The following DOCK8 variants were observed in gnomAD, a reference collection of about 807,000 sequenced individuals.
DOCK8 encodes dedicator of cytokinesis 8.
In DOCK8, 141 loss-of-function variants were observed where a neutral mutation model predicts 245.6. The observed-to-expected ratio is 0.57, with a 90% CI of 0.50 to 0.66. The LOEUF (loss-of-function observed/expected upper bound fraction) is 0.66, where lower values mean the gene tolerates loss of function less well. Ranked by LOEUF, DOCK8 falls within the 30% of genes least tolerant of loss-of-function variation. The probability of loss-of-function intolerance (pLI) is 0.00; values close to 1 mark genes in which losing one functional copy is unlikely to be tolerated. For missense variants in DOCK8, 2,965 were observed against 2,603.4 expected, an observed-to-expected ratio of 1.14 and a Z score of -3.02; for synonymous variants, 1,168 against 970.2, an observed-to-expected ratio of 1.20 and a Z score of -3.79.
At chr9:381,272 C>T (rs1224855424) in intron 21 of DOCK8, 2 of 152,074 alleles carry the variant, frequency 1.3e-5, no homozygotes, top group African/African-American at 4.8e-5. Flanking sequence ...TTTGATAATC[C>T]CTCACTGGTC....
chr9:417,597 A>G (rs2056083726), intron 29 of DOCK8, among the ~76,000 whole-genome samples: 1 of 152,206 alleles, frequency 6.6e-6, no homozygotes, highest in Non-Finnish European at 1.5e-5. Flanking sequence ...ATCTATAAAT[A>G]TGGGTATGTC....
intron 6 of DOCK8, among the ~76,000 whole-genome samples, chr9:316,506 A>G (rs1189579037): frequency 6.6e-6 from 1 of 152,190 alleles, no homozygotes; most frequent in African/African-American, 2.4e-5. Flanking sequence ...CCTGTCTAGA[A>G]CTTGTCAATT....
At position 446,601 on chromosome 9, in the gene DOCK8, G is replaced by A; in HGVS notation, c.5812G>A (p.Glu1938Lys). The A allele has an allele frequency of 6.2e-7, 1 of 1,614,146 alleles. No homozygotes were observed. ...IKTRISVIQKEEFVLTPIEVA... is the reference protein window; with the variant it reads ...IKTRISVIQKKEFVLTPIEVA... ...GACCAGGATCAGCGTCATCCAGAAG[G>A]AGGAGGTAATGCACCCAAGGGATTG... Residue 1938 changes from glutamate to lysine, a missense_variant, in exon 44 of 48, where the codon GAG becomes AAG. Glu to Lys is a moderately conservative substitution (Grantham distance 56). Transcript: ENST00000432829.
intron 15 of DOCK8, chr9:368,905 C>T (rs2053152838): frequency 6.8e-6 from 1 of 146,672 alleles, no homozygotes; most frequent in East Asian, 2.0e-4. Flanking sequence ...CTCCCAAGTT[C>T]AAGTGATTCT....
At chr9:338,175 G>A (rs1392915936) in intron 12 of DOCK8, among the ~76,000 whole-genome samples, 1 of 151,678 alleles carries the variant, frequency 6.6e-6, no homozygotes, top group Non-Finnish European at 1.5e-5. Context: ...AAAAAAAGAG[G>A]TAATATGGTA....
chr9:226,700 G>A (rs1453605178), intron 1 of DOCK8, among the ~76,000 whole-genome samples: 1 of 152,192 alleles, frequency 6.6e-6, no homozygotes, highest in Non-Finnish European at 1.5e-5. Flanking sequence ...GACTGGAGGA[G>A]AAGCAGGCTT....
intron 1 of DOCK8, among the ~76,000 whole-genome samples, chr9:216,007 G>T (rs1428901423): frequency 6.6e-6 from 1 of 152,172 alleles, no homozygotes; most frequent in African/African-American, 2.4e-5. Flanking sequence ...GTTCATCTTT[G>T]TGCTGTTAGT....
chr9:263,062 C>T (rs1482250647), intron 1 of DOCK8, among the ~76,000 whole-genome samples: 1 of 152,076 alleles, frequency 6.6e-6, no homozygotes, highest in Non-Finnish European at 1.5e-5. Context: ...CAAAAATGAG[C>T]CGGGCGTGGT....
chr9:305,015 T>C lies in DOCK8; in HGVS notation c.528+311T>C, dbSNP rs984164919. 3.9e-5 allele frequency among the ~76,000 whole-genome samples: 6 copies of C among 152,148 alleles called. No individual in the cohort carries two copies. In the South Asian group the frequency reaches 8.3e-4, roughly 21 times the overall value. ...GACTCTTGGTGCCCCTAAGGCAAAC[T>C]ACAGAGTAATGAAAAGCTCTATGCT... On this transcript the variant is annotated intron_variant, in intron 5 of 47. Coordinates refer to ENST00000432829, the MANE Select transcript of DOCK8 (RefSeq NM_203447.4).
intron 14 of DOCK8, among the ~76,000 whole-genome samples, chr9:348,837 A>G (rs968320590): frequency 3.3e-5 from 5 of 152,072 alleles, no homozygotes; most frequent in East Asian, 3.8e-4. Flanking sequence ...GGGGGACGCT[A>G]TTTTGCAGCT....
chr9:454,980 G>A (rs35188282), intron 46 of DOCK8, among the ~76,000 whole-genome samples: 1 of 152,114 alleles, frequency 6.6e-6, no homozygotes, highest in Admixed American at 6.5e-5. Context: ...TCAATAATGA[G>A]GCTATCATTC....
At chr9:328,886 T>G (rs1420241487) in intron 9 of DOCK8, among the ~76,000 whole-genome samples, 1 of 151,034 alleles carries the variant, frequency 6.6e-6, no homozygotes, top group East Asian at 1.9e-4. Context: ...GGTTAGAAAT[T>G]AACAAACATC....
At chr9:451,973 ATATATTTTTTTTT>A (rs752349905) in intron 45 of DOCK8, 25 bp from the exon 46 acceptor site, 127 of 369,226 alleles carry the variant, frequency 3.4e-4, no homozygotes, top group African/African-American at 7.6e-4. Context: ...ATATATATAT[ATATATTTTTTTTT>A]TTTTTTTTTT....
At chr9:298,379 C>T (rs2049361600) in intron 4 of DOCK8, among the ~76,000 whole-genome samples, 1 of 152,186 alleles carries the variant, frequency 6.6e-6, no homozygotes, top group South Asian at 2.1e-4. Flanking sequence ...GAGCCAAGAT[C>T]ATGCCGCTGT....
intron 36 of DOCK8, among the ~76,000 whole-genome samples, chr9:431,491 A>C (rs575397328): frequency 6.6e-6 from 1 of 152,152 alleles, no homozygotes; most frequent in South Asian, 2.1e-4. Context: ...AATCTCAGAA[A>C]TGCTGGCCAC....
intron 37 of DOCK8, among the ~76,000 whole-genome samples, chr9:433,330 G>C (rs2056783004): frequency 6.6e-6 from 1 of 152,334 alleles, no homozygotes; most frequent in East Asian, 1.9e-4. Flanking sequence ...CTGTGGCTGA[G>C]TTACCTGCCA....
intron 23 of DOCK8, among the ~76,000 whole-genome samples, 181 bp downstream of exon 23, chr9:386,607 T>C (rs1023257250): frequency 6.6e-6 from 1 of 152,206 alleles, no homozygotes. Flanking sequence ...GACCACCTAA[T>C]TGCCCATTAA....
intron 1 of DOCK8, chr9:215,527 A>G (rs1029946512): frequency 7.7e-6 from 10 of 1,292,160 alleles, no homozygotes; most frequent in Non-Finnish European, 9.0e-6. Flanking sequence ...CGCCTGCTTC[A>G]TTATTCCAGA....
chr9:266,904 G>A (rs2048046475), intron 1 of DOCK8, among the ~76,000 whole-genome samples: 1 of 152,180 alleles, frequency 6.6e-6, no homozygotes, highest in African/African-American at 2.4e-5. Context: ...TCTTGGACAT[G>A]TCAAATTTGG....
Sources: gnomAD v4.1 joint callset for allele counts (sites outside exome capture counted in the v4.1 genomes callset) on GRCh38, gnomAD v4.1.1 for gene constraint, MANE v1.5 for transcripts, NCBI Gene and HGNC (gene_info 2026-07-23, HGNC 2026-07-21) for gene names.